The following GRM1 variants were observed in gnomAD, a reference collection of about 807,000 sequenced individuals.
GRM1 encodes glutamate metabotropic receptor 1, also known as metabotropic glutamate receptor 1.
A neutral mutation model predicts 90.9 loss-of-function variants in GRM1; 33 were observed. The ratio of observed to expected loss-of-function variants is 0.36; its 90% CI spans 0.28 to 0.49. The LOEUF (loss-of-function observed/expected upper bound fraction) is 0.49. Among genes scored for constraint, GRM1 ranks in the 20% least tolerant of loss-of-function variants. The pLI, the probability that GRM1 is intolerant of heterozygous loss-of-function variation, is 0.99. For synonymous variants in GRM1, 700 were observed against 613.2 expected (o/e 1.14, Z -2.09); for missense variants, 1,190 against 1,534.3 (o/e 0.78, Z 3.75).
At position 146,137,677 on chromosome 6, in the gene GRM1, T is replaced by C. The variant is rs1380094687; in HGVS notation, c.701-21671T>C. 3.3e-5 allele frequency among the ~76,000 whole-genome samples: 5 copies of C among 152,340 alleles called. No individual in the cohort carries two copies. In the East Asian group the frequency reaches 9.6e-4, roughly 29 times the overall value. On this transcript the variant is annotated intron_variant, in intron 1 of 7. Coordinates refer to ENST00000282753, the MANE Select transcript of GRM1 (RefSeq NM_001278064.2). ...GTTCCATAAACATTAGGATTGTGTT[T>C]TCCATTTTTGTGAAGAACATTGTTG...
chr6:146,196,622 G>A (rs117862587), intron 2 of GRM1, among the ~76,000 whole-genome samples: 80 of 151,986 alleles, frequency 5.3e-4, no homozygotes, highest in Non-Finnish European at 7.7e-4. Context: ...TGTTTTTAAA[G>A]TGTGATCCCT....
chr6:146,312,276 G>C (rs1343277710), intron 3 of GRM1, among the ~76,000 whole-genome samples: 1 of 140,850 alleles, frequency 7.1e-6, no homozygotes, highest in South Asian at 2.3e-4. Flanking sequence ...AGGAGGCGGA[G>C]CTTGCAGTGA....
intron 1 of GRM1, among the ~76,000 whole-genome samples, chr6:146,058,084 A>G (rs991199391): frequency 2.0e-5 from 3 of 152,010 alleles, no homozygotes; most frequent in Non-Finnish European, 4.4e-5. Flanking sequence ...GTTTTTCCAC[A>G]TTAGTGTTAA....
intron 3 of GRM1, among the ~76,000 whole-genome samples, chr6:146,314,051 C>CTTTTG (rs1783870355): frequency 1.6e-5 from 1 of 61,960 alleles, no homozygotes; most frequent in Non-Finnish European, 2.6e-5. Context: ...TAGTTAATTC[C>CTTTTG]TTTTTTTTTT....
intron 1 of GRM1, among the ~76,000 whole-genome samples, chr6:146,146,863 C>T (rs1035939019): frequency 1.3e-5 from 2 of 152,156 alleles, no homozygotes; most frequent in African/African-American, 4.8e-5. Flanking sequence ...TTATAAATTA[C>T]CCAGTTTCTG....
At chr6:146,361,965 A>G (rs1424164849) in intron 5 of GRM1, among the ~76,000 whole-genome samples, 1 of 152,218 alleles carries the variant, frequency 6.6e-6, no homozygotes, top group Non-Finnish European at 1.5e-5. Context: ...AATATTTGTG[A>G]AGGAGGCTGG....
intron 2 of GRM1, among the ~76,000 whole-genome samples, chr6:146,257,973 C>G (rs1352892650): frequency 1.4e-5 from 2 of 146,862 alleles, no homozygotes; most frequent in Admixed American, 1.4e-4. Context: ...ACTTTCCATC[C>G]GTTTGTTCTT....
intron 2 of GRM1, among the ~76,000 whole-genome samples, chr6:146,300,208 T>G (rs1783323674): frequency 6.6e-6 from 1 of 152,182 alleles, no homozygotes; most frequent in African/African-American, 2.4e-5. Context: ...GCACCTAGAC[T>G]GTAATTATTT....
In GRM1 at chr6:146,069,245, C is replaced by G. The variant is rs890919854; in HGVS notation, c.700+39028C>G. The stretch of plus-strand genomic sequence containing the variant: ...TGGGAGACCTTGATCCTGTACAACA[C>G]TGAGCATCTCTGAACTTACTGGTTA... On this transcript the variant is annotated intron_variant, in intron 1 of 7. Coordinates refer to ENST00000282753, the MANE Select transcript of GRM1 (RefSeq NM_001278064.2). 3.3e-5 allele frequency among the ~76,000 whole-genome samples: 5 copies of G among 152,284 alleles called. No homozygotes were observed. The East Asian group carries it at 9.6e-4, about 29-fold the overall frequency.
chr6:146,080,127 A>T (rs1776313960), intron 1 of GRM1, among the ~76,000 whole-genome samples: 1 of 152,168 alleles, frequency 6.6e-6, no homozygotes, highest in Admixed American at 6.5e-5. Context: ...TATTAGTCAG[A>T]GGCAGCTTTA....
Position 146,064,855 on chromosome 6 carries a change from G to A in GRM1, c.700+34638G>A, listed in dbSNP as rs553813732. ...CTTTTTCTTAATGAATATTTGATGA[G>A]CCTAATAGTTACAGAATTTTTTTCG... On this transcript the variant is annotated intron_variant, in intron 1 of 7. Transcript: ENST00000282753. 2.7e-5 allele frequency among the ~76,000 whole-genome samples: 4 copies of A among 150,812 alleles called. No individual in the cohort carries two copies. The South Asian group carries it at 8.4e-4, about 32-fold the overall frequency.
intron 7 of GRM1, among the ~76,000 whole-genome samples, chr6:146,400,148 A>G (rs914238523): frequency 7.9e-5 from 12 of 152,138 alleles, no homozygotes; most frequent in African/African-American, 2.9e-4. Context: ...GAATCACACC[A>G]CTTCTAAACC....
intron 1 of GRM1, among the ~76,000 whole-genome samples, chr6:146,082,715 C>T (rs1045826639): frequency 1.3e-5 from 2 of 152,164 alleles, no homozygotes; most frequent in African/African-American, 2.4e-5. Flanking sequence ...AACTGGCACT[C>T]ATATTTCATC....
At chr6:146,159,641 T>TCTCTCTCTCA (rs372590505) in intron 2 of GRM1, 44 bp downstream of exon 2, 11 of 728,674 alleles carry the variant, frequency 1.5e-5, no homozygotes, top group South Asian at 1.2e-4. Flanking sequence ...TCTCTCTCTC[T>TCTCTCTCTCA]CACACACACA....
intron 1 of GRM1, among the ~76,000 whole-genome samples, chr6:146,073,800 T>C (rs956539612): frequency 6.6e-6 from 1 of 152,122 alleles, no homozygotes; most frequent in Non-Finnish European, 1.5e-5. Context: ...TGTGTATCTG[T>C]ATCTGGAATG....
intron 1 of GRM1, among the ~76,000 whole-genome samples, chr6:146,092,370 G>A (rs567230641): frequency 1.8e-4 from 27 of 152,180 alleles, no homozygotes; most frequent in Admixed American, 1.7e-3. Flanking sequence ...CATACAGTCC[G>A]TAACATCAAC....
intron 5 of GRM1, among the ~76,000 whole-genome samples, 183 bp from the exon 6 acceptor site, chr6:146,386,699 GACAATTCC>G (rs1250104149): frequency 6.6e-6 from 1 of 151,916 alleles, no homozygotes; most frequent in Non-Finnish European, 1.5e-5. Context: ...GGAATGAATT[GACAATTCC>G]ATCCAAACTC....
chr6:146,087,690 A>G (rs554175741), intron 1 of GRM1, among the ~76,000 whole-genome samples: 1 of 152,336 alleles, frequency 6.6e-6, no homozygotes, highest in South Asian at 2.1e-4. Flanking sequence ...ATGAAATCAT[A>G]CAGTATGTGA....
intron 1 of GRM1, among the ~76,000 whole-genome samples, chr6:146,142,937 T>A (rs191043228): frequency 1.3e-5 from 2 of 152,172 alleles, no homozygotes; most frequent in African/African-American, 4.8e-5. Context: ...CTCTTCACTT[T>A]TCTCTCTGCT....
Sources: gnomAD v4.1 joint callset for allele counts (sites outside exome capture counted in the v4.1 genomes callset) on GRCh38, gnomAD v4.1.1 for gene constraint, MANE v1.5 for transcripts, NCBI Gene and HGNC (gene_info 2026-07-23, HGNC 2026-07-21) for gene names.